CLECL1: variants seen among roughly 807,000 people sequenced by gnomAD.
The protein encoded by CLECL1 is C-type lectin like 1.
At chr12:9,723,456 ACACG>A (rs796369939) in intron 3 of CLECL1, among the ~76,000 whole-genome samples, 1,373 of 27,860 alleles carry the variant, frequency 0.049, 34 homozygotes, top group African/African-American at 0.18. Flanking sequence ...ACACACACAC[ACACG>A]CACGCACACA....
At chr12:9,709,263 C>T in the CLECL1 span, 3 of 152,404 alleles carry the variant, frequency 2.0e-5, no homozygotes, top group African/African-American at 7.2e-5. Context: ...AGAGGCACCC[C>T]CAACAGGGGA....
At chr12:9,729,156 T>C (rs988773723) in intron 2 of CLECL1, among the ~76,000 whole-genome samples, 5 of 152,142 alleles carry the variant, frequency 3.3e-5, no homozygotes, top group African/African-American at 9.6e-5. Context: ...CTCAATGGAA[T>C]TGATTTATTT....
the CLECL1 span, among the ~76,000 whole-genome samples, chr12:9,705,536 GTTTTACACTAAAGTC>G: frequency 6.6e-6 from 1 of 152,030 alleles, no homozygotes; most frequent in African/African-American, 2.4e-5. Flanking sequence ...ATAGTTTTGG[GTTTTACACTAAAGTC>G]TTTAATCCAT....
intron 3 of CLECL1, 77 bp from the exon 2 acceptor site, chr12:9,722,890 A>C: frequency 3.7e-6 from 4 of 1,084,446 alleles, no homozygotes; most frequent in Non-Finnish European, 5.2e-6. Context: ...GAAGGGTCTC[A>C]AATTTGGTTA....
downstream of CLECL1, among the ~76,000 whole-genome samples, chr12:9,721,360 A>G (rs1866311039): frequency 6.6e-6 from 1 of 152,152 alleles, no homozygotes; most frequent in Admixed American, 6.5e-5. Flanking sequence ...AGATGTTTAG[A>G]AAGGGACATG....
At chr12:9,711,331 A>G (rs1370327099), downstream of CLECL1, among the ~76,000 whole-genome samples, 1 of 152,166 alleles carries the variant, frequency 6.6e-6, no homozygotes, top group Non-Finnish European at 1.5e-5. Context: ...GTTCCAGAGA[A>G]GGTTGGTGTT....
chr12:9,704,882 G>A, the CLECL1 span, among the ~76,000 whole-genome samples: 1 of 152,146 alleles, frequency 6.6e-6, no homozygotes, highest in Non-Finnish European at 1.5e-5. Context: ...ATGTGTGCGT[G>A]TGTAGTTATT....
chr12:9,732,989 C>G, exon 1 of CLECL1: 1 of 1,612,442 alleles, frequency 6.2e-7, no homozygotes, highest in South Asian at 1.1e-5. Context: ...ACGGGGAAGT[C>G]CGAACAGTTT....
intron 3 of CLECL1, among the ~76,000 whole-genome samples, chr12:9,725,987 T>C (rs2401391): frequency 0.57 from 85,793 of 151,780 alleles, 25,081 homozygotes; most frequent in African/African-American, 0.72. Context: ...TAAAAAGGGC[T>C]TCAAGACATC....
chr12:9,715,190 T>A (rs1359724652), downstream of CLECL1, among the ~76,000 whole-genome samples: 1 of 152,208 alleles, frequency 6.6e-6, no homozygotes, highest in Non-Finnish European at 1.5e-5. Flanking sequence ...CACATAAATA[T>A]GATTCTTGAC....
chr12:9,722,474 A>AC, downstream of CLECL1: 1 of 1,329,932 alleles, frequency 7.5e-7, no homozygotes, highest in Non-Finnish European at 9.6e-7. Flanking sequence ...CCGGAAAAAA[A>AC]AAAAACCTCA....
upstream of CLECL1, chr12:9,733,183 C>T: frequency 6.2e-7 from 1 of 1,613,878 alleles, no homozygotes; most frequent in Non-Finnish European, 8.5e-7. Context: ...GAATAAATGA[C>T]AAAACCAATG....
chr12:9,722,502 C>A, downstream of CLECL1: 2 of 1,331,108 alleles, frequency 1.5e-6, no homozygotes, highest in Non-Finnish European at 1.9e-6. Context: ...TCATGTAATT[C>A]AACAATTCAT....
downstream of CLECL1, chr12:9,718,881 A>G (rs1274791600): frequency 1.7e-6 from 1 of 600,930 alleles, no homozygotes; most frequent in Non-Finnish European, 2.9e-6. Flanking sequence ...TGCTTTAGCT[A>G]CCTAGTCTGT....
At chr12:9,720,316 C>G (rs953520442), downstream of CLECL1, among the ~76,000 whole-genome samples, 24 of 150,240 alleles carry the variant, frequency 1.6e-4, no homozygotes, top group Non-Finnish European at 3.1e-4. Flanking sequence ...AGAAGGTACT[C>G]TGTGGAATTT....
At chr12:9,708,331 CTG>C in the CLECL1 span, among the ~76,000 whole-genome samples, 5 of 152,176 alleles carry the variant, frequency 3.3e-5, no homozygotes, top group Non-Finnish European at 7.4e-5. Flanking sequence ...CATTCTAACA[CTG>C]TTTCTGATAG....
At chr12:9,708,161 C>T in the CLECL1 span, among the ~76,000 whole-genome samples, 2 of 152,138 alleles carry the variant, frequency 1.3e-5, no homozygotes, top group South Asian at 2.1e-4. Context: ...CATTCCCTCC[C>T]CTGGCCAAGG....
chr12:9,730,692 T>C (rs1866436662), intron 1 of CLECL1, among the ~76,000 whole-genome samples: 1 of 152,026 alleles, frequency 6.6e-6, no homozygotes, highest in Admixed American at 6.6e-5. Flanking sequence ...TTTCTTTTTT[T>C]CTTTTCTTTT....
chr12:9,710,914 T>G (rs965439647), downstream of CLECL1, among the ~76,000 whole-genome samples: 7 of 152,284 alleles, frequency 4.6e-5, no homozygotes, highest in Admixed American at 3.3e-4. Flanking sequence ...GCACTCATTC[T>G]CCAAGCCCAT....
Sources: allele counts gnomAD v4.1 joint callset (sites outside exome capture counted in the v4.1 genomes callset), GRCh38; gene constraint gnomAD v4.1.1; transcripts MANE v1.5; gene names NCBI Gene and HGNC (gene_info 2026-07-23, HGNC 2026-07-21).